CRIP1: variants seen among roughly 807,000 people sequenced by gnomAD.
CRIP1 encodes cysteine-rich protein 1.
In CRIP1, 11 loss-of-function variants were observed where a neutral mutation model predicts 12.9. That is an observed-to-expected ratio of 0.86 (90% confidence interval 0.54 to 1.42). The LOEUF is 1.42. Among genes scored for constraint, CRIP1 ranks in the 40% most tolerant of loss-of-function variants. The pLI is 0.00. For missense variants in CRIP1, 122 were observed against 101.3 expected (o/e 1.20, Z -0.88); for synonymous variants, 41 against 37.2 (o/e 1.10, Z -0.37).
chr14:105,488,725 TC>T lies in CRIP1; in HGVS notation c.*72del. 5.0e-6 allele frequency: 3 copies of T among 604,476 alleles called. No individual in the cohort carries two copies. The highest frequency in any genetic ancestry group is 2.8e-5 in the East Asian group (1 of 36,186). 37.4% of individuals were successfully genotyped at this position (604,476 alleles called of 1,614,324 possible). On this transcript the variant is annotated 3_prime_UTR_variant, in exon 6 of 6. Transcript: ENST00000392531. ...CTGTCCAGGCAAATGCCAGGCCTTG[TC>T]CCCAGATGCCCAGGGCTCCCTTGTT... is the stretch of plus-strand genomic sequence containing the variant.
At chr14:105,487,389 C>T (rs587624928) in intron 2 of CRIP1, 90 bp downstream of exon 2, 734 of 1,205,014 alleles carry the variant, frequency 6.1e-4, no homozygotes, top group Non-Finnish European at 8.0e-4. Flanking sequence ...GGCGCTGGGT[C>T]CCTGGGGCGG....
intron 2 of CRIP1, chr14:105,487,794 C>T (rs898802307): frequency 1.1e-4 from 30 of 265,266 alleles, no homozygotes; most frequent in Non-Finnish European, 2.1e-4. Flanking sequence ...AGGCTCCACC[C>T]TTGCCACCGC....
intron 2 of CRIP1, 162 bp downstream of exon 2, chr14:105,487,461 C>T (rs1303661192): frequency 8.0e-5 from 48 of 599,662 alleles, no homozygotes; most frequent in Non-Finnish European, 1.3e-4. Flanking sequence ...GGGTGGAGGC[C>T]CCTGCGTCCG....
rs7824 is a variant in CRIP1, at chr14:105,488,350, G to A, written c.155G>A (p.Cys52Tyr). ...TTGCAGCACGAAGGCAAACCCTACT[G>A]CAACCACCCCTGCTACGCAGCCATG... ...GHAEHEGKPY[C>Y]NHPCYAAMFG... The change falls in exon 4 of 6, where the codon TGC becomes TAC. Residue 52 changes from cysteine to tyrosine, a missense_variant. Physicochemically the swap from Cys to Tyr is radical, Grantham distance 194 (BLOSUM62 -2). Transcript: ENST00000392531. 1 of 1,613,478 alleles carries A rather than the reference G, an allele frequency of 6.2e-7. No individual in the cohort carries two copies. Among genetic ancestry groups the A allele is most frequent in the Non-Finnish European group, 8.5e-7 (1 of 1,179,994 alleles).
chr14:105,488,067 G>A (rs2141773375), intron 2 of CRIP1, 99 bp from the exon 3 acceptor site: 1 of 1,309,958 alleles, frequency 7.6e-7, no homozygotes, highest in Non-Finnish European at 1.1e-6. Context: ...TAAGTGCACA[G>A]GGCCTTGGGC....
chr14:105,488,524 G>A lies in CRIP1; in HGVS notation c.*5+8G>A. The A allele has an allele frequency of 6.3e-7, 1 of 1,582,110 alleles. No individual in the cohort carries two copies. The highest frequency in any genetic ancestry group is 8.6e-7 in the Non-Finnish European group (1 of 1,162,888). On this transcript the variant is annotated splice_region_variant and intron_variant, in intron 5 of 5. Transcript: ENST00000392531. ...CACTTTCAAGTAAACCAGGTAGGTA[G>A]GACCCCACCCCCTATCCTGCCTCCT...
At position 105,488,650 on chromosome 14, in the gene CRIP1, T is replaced by G. The variant is rs1404215790; in HGVS notation, c.*6-13T>G. 4.3e-6 allele frequency: 4 copies of G among 936,998 alleles called. No homozygotes were observed. The highest frequency in any genetic ancestry group is 6.5e-6 in the Non-Finnish European group (4 of 611,738). 58.0% of individuals were successfully genotyped at this position (936,998 alleles called of 1,614,324 possible). On this transcript the variant is annotated splice_polypyrimidine_tract_variant and intron_variant, in intron 5 of 5. Transcript: ENST00000392531. Reference sequence around the variant, plus strand: ...CGCTGCACTCACGTCTGTGCCTGTCTCTCTCTGCACAGGTGGTGGAGACCC... The same window carrying G: ...CGCTGCACTCACGTCTGTGCCTGTCGCTCTCTGCACAGGTGGTGGAGACCC...
rs1446568358 is a variant in CRIP1, at chr14:105,487,175, GCGGACCAGGC to G, written c.-61-19_-61-10del. On this transcript the variant is annotated splice_polypyrimidine_tract_variant and intron_variant, in intron 1 of 5. Coordinates refer to ENST00000392531, the MANE Select transcript of CRIP1 (RefSeq NM_001311.5). ...CGGGGTCCCGGGGTCCCTGAAAGGC[GCGGACCAGGC>G]CGGATCCACCCAGTCTCGCGCCTGC... is the stretch of plus-strand genomic sequence containing the variant. The G allele has an allele frequency of 2.1e-5, 31 of 1,511,196 alleles. No homozygotes were observed. The highest frequency in any genetic ancestry group is 2.8e-5 in the African/African-American group (2 of 70,336). The allele number at this position is 1,511,196 out of a possible 1,614,324, so 93.6% of individuals were successfully genotyped here. A position where few individuals can be genotyped will look rare whatever the true frequency, so the allele number is the denominator to read the frequency against.
At chr14:105,487,866 C>G in intron 2 of CRIP1, 1 of 450,284 alleles carries the variant, frequency 2.2e-6, no homozygotes, top group Non-Finnish European at 4.1e-6. Context: ...GCCGCGACCC[C>G]TGACCCTCGG....
At chr14:105,487,024 G>T in intron 1 of CRIP1, 52 bp downstream of exon 1, 2 of 1,347,718 alleles carry the variant, frequency 1.5e-6, no homozygotes, top group Non-Finnish European at 1.9e-6. Context: ...AGTCAGGCCC[G>T]GGTCCTGCCT....
Position 105,486,960 on chromosome 14 carries a change from C to A in CRIP1, c.-74C>A. ...GCGCGGCTTGAACTCGCCTAAAGAG[C>A]TGCGCCCTCTCAGTAAGTCCCCATG... On this transcript the variant is annotated 5_prime_UTR_variant, in exon 1 of 6. It adds an upstream start codon to the 5' untranslated region. Coordinates refer to ENST00000392531, the MANE Select transcript of CRIP1 (RefSeq NM_001311.5). The A allele has an allele frequency of 8.3e-7, 1 of 1,208,284 alleles. No individual in the cohort carries two copies. Among genetic ancestry groups the A allele is most frequent in the East Asian group, 4.0e-5 (1 of 25,210 alleles). 74.8% of individuals were successfully genotyped at this position (1,208,284 alleles called of 1,614,324 possible).
At position 105,488,328 on chromosome 14, in the gene CRIP1, C is replaced by T. The variant is rs782420642; in HGVS notation, c.136-3C>T. 6 of 1,613,406 alleles carry T rather than the reference C, an allele frequency of 3.7e-6. No individual in the cohort carries two copies. The African/African-American group carries it at 8.0e-5, about 22-fold the overall frequency. ...CACCCCCTCACGGCCCTTCTCTTTG[C>T]AGCACGAAGGCAAACCCTACTGCAA... On this transcript the variant is annotated splice_polypyrimidine_tract_variant and splice_region_variant and intron_variant, in intron 3 of 5. Coordinates refer to ENST00000392531, the MANE Select transcript of CRIP1 (RefSeq NM_001311.5).
Position 105,486,914 on chromosome 14 carries a change from C to T in CRIP1, c.-120C>T, listed in dbSNP as rs1254602941. The T allele has an allele frequency of 2.8e-5, 31 of 1,114,688 alleles. No homozygotes were observed. The highest frequency in any genetic ancestry group is 1.1e-4 in the African/African-American group (7 of 61,002). 69.0% of individuals were successfully genotyped at this position (1,114,688 alleles called of 1,614,324 possible). On this transcript the variant is annotated 5_prime_UTR_variant, in exon 1 of 6. Transcript: ENST00000392531. ...TTGCCTCGGAACTGGACCCGGGAGA[C>T]ATCACAGCGCTGGGCTAGGGGCGCG...
chr14:105,488,568 G>T (rs2084151543), intron 5 of CRIP1, 52 bp downstream of exon 5: 1 of 1,545,520 alleles, frequency 6.5e-7, no homozygotes, highest in Non-Finnish European at 8.8e-7. Context: ...CCTCGGGATG[G>T]GGATGCCCCC....
chr14:105,487,705 C>T (rs2084134207), intron 2 of CRIP1: 1 of 201,410 alleles, frequency 5.0e-6, no homozygotes, highest in Non-Finnish European at 9.9e-6. Context: ...GCGCCCGCCT[C>T]CCTGCCCCGC....
chr14:105,487,120 C>T (rs1871634571), intron 1 of CRIP1, 79 bp from the exon 2 acceptor site: 1 of 1,404,996 alleles, frequency 7.1e-7, no homozygotes, highest in Non-Finnish European at 9.4e-7. Flanking sequence ...GTTCAGAGGG[C>T]GGGGCGCGAG....
In CRIP1 at chr14:105,488,489, C is replaced by G. The variant is rs1555438577; in HGVS notation, c.212C>G (p.Ala71Gly). Residue 71 changes from alanine (A) to glycine (G), a missense_variant, in exon 5 of 6, where the codon GCC (alanine) becomes GGC (glycine). Ala to Gly is a moderately conservative substitution (Grantham distance 60). Transcript: ENST00000392531. The part of the protein sequence containing the change: ...FGPKGFGRGG[A>G]ESHTFK ...TCTGCAGGCTTTGGGCGGGGCGGAG[C>G]CGAGAGCCACACTTTCAAGTAAACC... is the stretch of plus-strand genomic sequence containing the variant. 6.4e-7 allele frequency: 1 copy of G among 1,559,710 alleles called. No homozygotes were observed. The highest frequency in any genetic ancestry group is 1.7e-5 in the Admixed American group (1 of 57,874).
intron 5 of CRIP1, 72 bp downstream of exon 5, chr14:105,488,588 G>A: frequency 2.0e-6 from 3 of 1,485,688 alleles, no homozygotes; most frequent in South Asian, 1.3e-5. Context: ...CTCCCAGGGA[G>A]GCCTGACCAC....
In CRIP1 at chr14:105,487,225, C is replaced by T. The variant is rs1256574673; in HGVS notation, c.-35C>T. 1.2e-5 allele frequency: 18 copies of T among 1,541,858 alleles called. No individual in the cohort carries two copies. The Admixed American group carries it at 2.8e-4, about 24-fold the overall frequency. On this transcript the variant is annotated 5_prime_UTR_variant, in exon 2 of 6. Transcript: ENST00000392531. ...CTCGCGCCTGCAGCCCGTGCCGCCC[C>T]AGCCGCTGCCGCCTGCACCGGACCC...
Sources: allele counts gnomAD v4.1 joint callset, GRCh38; gene constraint gnomAD v4.1.1; transcripts MANE v1.5; gene names NCBI Gene and HGNC (gene_info 2026-07-23, HGNC 2026-07-21).